Variants in CIT observed in about 807,000 individuals in gnomAD.
The protein encoded by CIT is citron Rho-interacting kinase.
CIT carries 79 observed loss-of-function variants against 272.7 expected under a neutral mutation model. The observed-to-expected ratio is 0.29, with a 90% CI of 0.24 to 0.35. The LOEUF (loss-of-function observed/expected upper bound fraction) is 0.35, where lower values mean the gene tolerates loss of function less well. CIT is among the 10% of genes least tolerant of loss of function. The pLI is 1.00. For synonymous variants in CIT, 948 were observed against 995.6 expected, an observed-to-expected ratio of 0.95 and a Z score of 0.90; for missense variants, 1,909 against 2,618.3, an observed-to-expected ratio of 0.73 and a Z score of 5.91.
At chr12:119,845,149 A>G (rs1969706479) in intron 5 of CIT, among the ~76,000 whole-genome samples, 1 of 151,798 alleles carries the variant, frequency 6.6e-6, no homozygotes. Flanking sequence ...ACAAAAACAA[A>G]AACAAAACAA....
intron 25 of CIT, 110 bp downstream of exon 25, chr12:119,735,050 A>T: frequency 1.0e-6 from 1 of 963,284 alleles, no homozygotes; most frequent in East Asian, 2.4e-5. Flanking sequence ...AAAAGAGCCC[A>T]ATTACTGTAT....
intron 28 of CIT, among the ~76,000 whole-genome samples, chr12:119,724,801 T>G (rs963195048): frequency 1.3e-5 from 2 of 151,540 alleles, no homozygotes; most frequent in African/African-American, 4.9e-5. Flanking sequence ...TAGCCGGGCG[T>G]GATAGCAGGC....
chr12:119,716,904 G>A (rs1957520267), intron 32 of CIT, among the ~76,000 whole-genome samples: 1 of 152,186 alleles, frequency 6.6e-6, no homozygotes, highest in Non-Finnish European at 1.5e-5. Flanking sequence ...AATACTGTGT[G>A]GTTCTCTGAA....
chr12:119,716,378 CAAAAAAAAAAAAAAAAAAAAAAA>C (rs35690078), intron 32 of CIT, among the ~76,000 whole-genome samples: 5 of 17,788 alleles, frequency 2.8e-4, no homozygotes, highest in Non-Finnish European at 3.0e-4. Flanking sequence ...GACTCTGTCT[CAAAAAAAAAAAAAAAAAAAAAAA>C]AAAAAAAAAA....
chr12:119,735,325 C>G lies in CIT; in HGVS notation c.2991G>C (p.Gln997His), dbSNP rs139562215. ...TGAGTTCAGCGTTGTCCTCGGTCAGCTGGTTTAGCTGCTCCTCCAGGTCTG... is the reference window on the plus strand; with the variant it reads ...TGAGTTCAGCGTTGTCCTCGGTCAGGTGGTTTAGCTGCTCCTCCAGGTCTG... ...VITDLEEQLN[Q>H]LTEDNAELNN... Residue 997 changes from glutamine (Q) to histidine (H), a missense_variant, in exon 25 of 48, where the codon CAG (glutamine) becomes CAC (histidine). By Grantham distance (24) the Gln-to-His change is conservative. This residue lies in a region of CIT where 530 missense variants were observed against 822.4 expected (regional missense o/e 0.64). Transcript: ENST00000392521. 6.2e-7 allele frequency: 1 copy of G among 1,614,084 alleles called. No individual in the cohort carries two copies. The highest frequency in any genetic ancestry group is 1.3e-5 in the African/African-American group (1 of 74,934).
intron 9 of CIT, among the ~76,000 whole-genome samples, chr12:119,816,820 C>A (rs998828015): frequency 3.3e-5 from 5 of 152,170 alleles, no homozygotes; most frequent in Non-Finnish European, 5.9e-5. Context: ...TGACTGTAGC[C>A]CCCAAGGGGA....
chr12:119,760,992 T>C lies in CIT; in HGVS notation c.2368A>G (p.Arg790Gly), dbSNP rs773590617. The change falls in exon 20 of 48, where the codon AGA (arginine) becomes GGA (glycine). Residue 790 changes from arginine (R) to glycine (G), a missense_variant. Around this residue, in one of 8 missense-constraint regions of CIT, gnomAD observed 530 missense variants for 822.4 expected, o/e 0.64. Coordinates refer to ENST00000392521, the MANE Select transcript of CIT (RefSeq NM_001206999.2). ...TTCTCATGGGCCTCCTCCTCGTGTCTCTGCATCATGTTCTCCAGTGTCTCC... is the reference window on the plus strand; with the variant it reads ...TTCTCATGGGCCTCCTCCTCGTGTCCCTGCATCATGTTCTCCAGTGTCTCC... ...DKETLENMMQRHEEEAHEKGK... is the reference protein window; with the variant it reads ...DKETLENMMQGHEEEAHEKGK... 1.9e-6 allele frequency: 3 copies of C among 1,614,102 alleles called. No individual in the cohort carries two copies. In the African/African-American group the frequency reaches 4.0e-5, roughly 22 times the overall value.
intron 19 of CIT, among the ~76,000 whole-genome samples, chr12:119,765,454 G>A (rs912593158): frequency 7.2e-6 from 1 of 138,872 alleles, no homozygotes; most frequent in Non-Finnish European, 1.5e-5. Context: ...AATAAGATAA[G>A]TAAAAAGAAA....
At chr12:119,864,133 A>C (rs1325784094) in intron 3 of CIT, among the ~76,000 whole-genome samples, 1 of 152,162 alleles carries the variant, frequency 6.6e-6, no homozygotes, top group Non-Finnish European at 1.5e-5. Context: ...AAGAAAAAAA[A>C]AAAACTTTTC....
chr12:119,709,762 A>AGAGAGAGAGAAAGAGAG lies in CIT; in HGVS notation c.5071+488_5071+489insCTCTCTTTCTCTCTCTC, dbSNP rs1957056944. ...CAACTAACTCTCAAATGGTTCAGGA[A>AGAGAGAGAGAAAGAGAG]AGAGAGAGAGAGAGAGAGAGAGAGA... On this transcript the variant is annotated intron_variant, in intron 39 of 47. Transcript: ENST00000392521. Among the ~76,000 whole-genome samples, 6 of 120,498 alleles carry AGAGAGAGAGAAAGAGAG rather than the reference A, an allele frequency of 5.0e-5. 1 individual carries two copies. Among genetic ancestry groups the AGAGAGAGAGAAAGAGAG allele is most frequent in the African/African-American group, 2.1e-4 (6 of 28,666 alleles). 79.1% of individuals were successfully genotyped at this position (120,498 alleles called of 152,430 possible).
intron 9 of CIT, among the ~76,000 whole-genome samples, chr12:119,803,707 T>C (rs936815268): frequency 6.6e-6 from 1 of 152,222 alleles, no homozygotes; most frequent in African/African-American, 2.4e-5. Flanking sequence ...AAGCCGCTCC[T>C]TCCTGCTGTT....
chr12:119,707,197 T>G (rs1956920787), intron 40 of CIT, among the ~76,000 whole-genome samples: 3 of 152,164 alleles, frequency 2.0e-5, no homozygotes, highest in Admixed American at 2.0e-4. Context: ...CACACGCACA[T>G]GCAAACACAC....
chr12:119,730,434 G>T, intron 27 of CIT, 61 bp downstream of exon 27: 2 of 1,523,254 alleles, frequency 1.3e-6, no homozygotes, highest in Non-Finnish European at 1.8e-6. Flanking sequence ...TTTATCAAGC[G>T]TGCCTTTAAA....
intron 22 of CIT, among the ~76,000 whole-genome samples, chr12:119,756,900 G>A (rs1302039970): frequency 2.0e-5 from 3 of 152,086 alleles, no homozygotes; most frequent in Admixed American, 6.6e-5. Context: ...AAGCTGAGGC[G>A]GGTGGATCAC....
At chr12:119,824,194 C>T (rs1409628173) in intron 8 of CIT, among the ~76,000 whole-genome samples, 1 of 148,776 alleles carries the variant, frequency 6.7e-6, no homozygotes. Flanking sequence ...TTTCCTCATT[C>T]AATTGTAATA....
At chr12:119,752,968 G>A (rs1001660115) in intron 22 of CIT, among the ~76,000 whole-genome samples, 2 of 152,200 alleles carry the variant, frequency 1.3e-5, no homozygotes, top group Non-Finnish European at 2.9e-5. Flanking sequence ...CAGGTGGGTA[G>A]AGGAGCTAAC....
At chr12:119,792,385 G>C (rs1358723365) in intron 10 of CIT, among the ~76,000 whole-genome samples, 1 of 152,184 alleles carries the variant, frequency 6.6e-6, no homozygotes, top group Non-Finnish European at 1.5e-5. Flanking sequence ...GATGTAATAT[G>C]CTGCAAAAAA....
chr12:119,871,118 TA>T lies in CIT; in HGVS notation c.97-1918del, dbSNP rs34650406. Among the ~76,000 whole-genome samples the T allele has an allele frequency of 1.6e-3, 235 of 142,748 alleles. 3 individuals carry two copies. The South Asian group carries it at 0.03, about 18-fold the overall frequency. The allele number at this position is 142,748 out of a possible 152,430, so 93.6% of individuals were successfully genotyped here. On this transcript the variant is annotated intron_variant, in intron 2 of 47. Coordinates refer to ENST00000392521, the MANE Select transcript of CIT (RefSeq NM_001206999.2). ...TGGGCGACAGGGCGACAGTCTGTCT[TA>T]AAAAAAAAAAAAAAGTTACGAGTCC...
chr12:119,817,011 T>A (rs779836600), intron 9 of CIT, among the ~76,000 whole-genome samples: 30 of 152,318 alleles, frequency 2.0e-4, no homozygotes, highest in Non-Finnish European at 4.1e-4. Flanking sequence ...AACCCTGTTC[T>A]AAATAAACAG....
Sources: allele counts gnomAD v4.1 joint callset (sites outside exome capture counted in the v4.1 genomes callset), GRCh38; gene constraint gnomAD v4.1.1; regional missense constraint gnomAD v4.1.1; transcripts MANE v1.5; gene names NCBI Gene and HGNC (gene_info 2026-07-23, HGNC 2026-07-21).